PPP4R3B: variants seen among roughly 807,000 people sequenced by gnomAD.
The protein encoded by PPP4R3B is protein phosphatase 4 regulatory subunit 3B.
Under a neutral mutation model 95.4 loss-of-function variants are expected in PPP4R3B, and 52 were observed. That is an observed-to-expected ratio of 0.54 (90% CI 0.44 to 0.69). The LOEUF (loss-of-function observed/expected upper bound fraction) is 0.69, where lower values mean the gene tolerates loss of function less well. Among genes scored for constraint, PPP4R3B ranks in the 30% least tolerant of loss-of-function variants. The pLI, the probability that PPP4R3B is intolerant of heterozygous loss-of-function variation, is 0.00. For synonymous variants in PPP4R3B, 407 were observed against 343.9 expected, an observed-to-expected ratio of 1.18 and a Z score of -2.03; for missense variants, 1,003 against 1,005.9, an observed-to-expected ratio of 1.00 and a Z score of 0.04.
chr2:55,558,777 T>G lies in PPP4R3B; in HGVS notation c.2452A>C (p.Lys818Gln), dbSNP rs1275372545. ...TNLPTSVTAT[K>Q]GSLVGLVDYP... ...GTGTGTAATGCTGTTTCACCTACCTTGGTGGCTGTTACTGACGTAGGCAAG... is the reference window on the plus strand; with the variant it reads ...GTGTGTAATGCTGTTTCACCTACCTGGGTGGCTGTTACTGACGTAGGCAAG... Residue 818 changes from lysine (K) to glutamine (Q), a missense_variant and splice_region_variant, in exon 16 of 17, where the codon AAG (lysine) becomes CAG (glutamine). Around this residue, in one of 3 missense-constraint regions of PPP4R3B, gnomAD observed 229 missense variants for 194.7 expected, o/e 1.18. Coordinates refer to ENST00000616407, the MANE Select transcript of PPP4R3B (RefSeq NM_001122964.3). 6.2e-7 allele frequency: 1 copy of G among 1,602,880 alleles called. No homozygotes were observed. Among genetic ancestry groups the G allele is most frequent in the South Asian group, 1.1e-5 (1 of 89,640 alleles).
intron 11 of PPP4R3B, 107 bp from the exon 12 acceptor site, chr2:55,573,884 T>A (rs1012992462): frequency 3.3e-4 from 138 of 419,412 alleles, no homozygotes; most frequent in Non-Finnish European, 4.6e-4. Flanking sequence ...CTGTATTTCC[T>A]CCTTTTTTTT....
intron 7 of PPP4R3B, among the ~76,000 whole-genome samples, chr2:55,581,952 C>T (rs1055562569): frequency 6.6e-6 from 1 of 151,538 alleles, no homozygotes; most frequent in African/African-American, 2.4e-5. Flanking sequence ...GCAGAGCATG[C>T]TTCAACTTAT....
At chr2:55,571,618 G>C (rs904446423) in intron 12 of PPP4R3B, among the ~76,000 whole-genome samples, 1 of 151,210 alleles carries the variant, frequency 6.6e-6, no homozygotes, top group Non-Finnish European at 1.5e-5. Context: ...ATAAACACAG[G>C]TTTTTTGTTT....
chr2:55,552,844 A>C (rs1685401343), intron 16 of PPP4R3B, among the ~76,000 whole-genome samples: 1 of 152,248 alleles, frequency 6.6e-6, no homozygotes, highest in South Asian at 2.1e-4. Flanking sequence ...ATCAGAGGCA[A>C]GGCAAGTCAT....
chr2:55,586,693 T>C lies in PPP4R3B; in HGVS notation c.1041A>G (p.Leu347=). The part of the protein sequence containing the change: ...FKEFCAFSQT[L]QPQNRDAFFK... ...AAAATGCATCCCTGTTTTGAGGTTG[T>C]AATGTCTGAGAAAATGCACAAAACT... is the stretch of plus-strand genomic sequence containing the variant. The change falls in exon 6 of 17, where the codon TTA becomes TTG. Residue 347 remains leucine, a synonymous_variant. Coordinates refer to ENST00000616407, the MANE Select transcript of PPP4R3B (RefSeq NM_001122964.3). The C allele has an allele frequency of 2.5e-6, 4 of 1,608,444 alleles. No individual in the cohort carries two copies. The highest frequency in any genetic ancestry group is 1.1e-5 in the South Asian group (1 of 89,372).
chr2:55,573,034 T>C (rs1486774242), intron 12 of PPP4R3B, among the ~76,000 whole-genome samples: 1 of 152,132 alleles, frequency 6.6e-6, no homozygotes, highest in East Asian at 1.9e-4. Flanking sequence ...TTGGTACAGG[T>C]ATGAAAAAAA....
intron 2 of PPP4R3B, among the ~76,000 whole-genome samples, chr2:55,606,013 T>G (rs1007276124): frequency 9.3e-5 from 14 of 151,306 alleles, no homozygotes; most frequent in African/African-American, 3.4e-4. Flanking sequence ...AAAAATTCAG[T>G]AAGAACCTCC....
intron 12 of PPP4R3B, among the ~76,000 whole-genome samples, chr2:55,571,740 C>A (rs1239592176): frequency 6.6e-6 from 1 of 152,202 alleles, no homozygotes; most frequent in Non-Finnish European, 1.5e-5. Context: ...ATTCTCCTGC[C>A]TCAGCTTCCT....
intron 2 of PPP4R3B, among the ~76,000 whole-genome samples, chr2:55,605,826 A>C (rs1229252920): frequency 6.6e-6 from 1 of 151,680 alleles, no homozygotes; most frequent in Non-Finnish European, 1.5e-5. Context: ...GAATCGCTTG[A>C]ACCGGGGAGG....
At position 55,548,798 on chromosome 2, in the gene PPP4R3B, G is replaced by A. The variant is rs1457193668; in HGVS notation, c.*1113C>T. On this transcript the variant is annotated 3_prime_UTR_variant, in exon 17 of 17. Coordinates refer to ENST00000616407, the MANE Select transcript of PPP4R3B (RefSeq NM_001122964.3). ...ACATTAAAATATTTACAGTTAACTT[G>A]TTGCTCTAAAAATAAAACTTAACTG... The A allele has an allele frequency of 1.3e-5, 2 of 152,530 alleles. No individual in the cohort carries two copies. Among genetic ancestry groups the A allele is most frequent in the Non-Finnish European group, 2.9e-5 (2 of 68,020 alleles). 9.4% of individuals were successfully genotyped at this position (152,530 alleles called of 1,614,324 possible).
chr2:55,559,522 G>A (rs1686316212), intron 15 of PPP4R3B, among the ~76,000 whole-genome samples: 1 of 152,138 alleles, frequency 6.6e-6, no homozygotes, highest in African/African-American at 2.4e-5. Flanking sequence ...CCTGGTGAGA[G>A]GTGACTGGAT....
chr2:55,554,352 C>G (rs561304208), intron 16 of PPP4R3B, among the ~76,000 whole-genome samples: 4 of 152,220 alleles, frequency 2.6e-5, no homozygotes, highest in Non-Finnish European at 5.9e-5. Flanking sequence ...ATGCACCAGG[C>G]CTGTTGTGCT....
intron 4 of PPP4R3B, among the ~76,000 whole-genome samples, chr2:55,594,911 TTAAAG>T (rs1691552074): frequency 6.7e-6 from 1 of 149,680 alleles, no homozygotes; most frequent in African/African-American, 2.6e-5. Context: ...ATGCAAAAAA[TTAAAG>T]TAAACAATAA....
intron 12 of PPP4R3B, among the ~76,000 whole-genome samples, chr2:55,571,250 C>T (rs1469947003): frequency 3.3e-5 from 5 of 151,906 alleles, no homozygotes; most frequent in African/African-American, 1.2e-4. Context: ...GCAGAAGCTG[C>T]AGTGAGCTGA....
chr2:55,560,606 G>A (rs1253299712), intron 15 of PPP4R3B, among the ~76,000 whole-genome samples: 2 of 151,698 alleles, frequency 1.3e-5, no homozygotes, highest in Non-Finnish European at 2.9e-5. Flanking sequence ...GTGAAACCCT[G>A]TCTCTACTAA....
intron 2 of PPP4R3B, among the ~76,000 whole-genome samples, chr2:55,607,356 T>C (rs116097146): frequency 6.6e-6 from 1 of 152,324 alleles, no homozygotes; most frequent in African/African-American, 2.4e-5. Flanking sequence ...CTAATGCCAA[T>C]TGCAAGCCTG....
At chr2:55,586,041 A>G (rs1690091666) in intron 6 of PPP4R3B, among the ~76,000 whole-genome samples, 1 of 152,172 alleles carries the variant, frequency 6.6e-6, no homozygotes, top group Non-Finnish European at 1.5e-5. Flanking sequence ...GGAAAAAAAA[A>G]GTAAAAAACG....
intron 12 of PPP4R3B, among the ~76,000 whole-genome samples, chr2:55,573,251 T>C (rs1264213048): frequency 6.6e-6 from 1 of 152,184 alleles, no homozygotes; most frequent in Non-Finnish European, 1.5e-5. Flanking sequence ...TGACAGTTTA[T>C]AGTCTGCTAA....
At chr2:55,615,322 G>A (rs1694741619) in intron 2 of PPP4R3B, 129 bp downstream of exon 2, 2 of 738,848 alleles carry the variant, frequency 2.7e-6, no homozygotes, top group Admixed American at 6.2e-5. Flanking sequence ...ACCTGCAAGA[G>A]AAATACACAT....
Sources: allele counts gnomAD v4.1 joint callset (sites outside exome capture counted in the v4.1 genomes callset), GRCh38; gene constraint gnomAD v4.1.1; regional missense constraint gnomAD v4.1.1; transcripts MANE v1.5; gene names NCBI Gene and HGNC (gene_info 2026-07-23, HGNC 2026-07-21).